LTBP1: variants seen among roughly 807,000 people sequenced by gnomAD.
LTBP1 encodes the protein latent transforming growth factor beta binding protein 1.
In LTBP1, 129 loss-of-function variants were observed where a neutral mutation model predicts 207.6. The ratio of observed to expected loss-of-function variants is 0.62; its 90% CI spans 0.54 to 0.72. The LOEUF is 0.72. Among genes scored for constraint, LTBP1 ranks in the 30% least tolerant of loss-of-function variants. The pLI is 0.00. For missense variants in LTBP1, 2,281 were observed against 2,217.2 expected (o/e 1.03, Z -0.58); for synonymous variants, 963 against 833.7 (o/e 1.16, Z -2.67).
chr2:32,948,338 G>A (rs1676588008), intron 1 of LTBP1, among the ~76,000 whole-genome samples: 2 of 152,170 alleles, frequency 1.3e-5, no homozygotes, highest in Non-Finnish European at 2.9e-5. Flanking sequence ...CTGGGGTGGG[G>A]TGTCTTGGTA....
At chr2:33,370,396 C>T (rs906104686) in intron 31 of LTBP1, among the ~76,000 whole-genome samples, 3 of 152,120 alleles carry the variant, frequency 2.0e-5, no homozygotes, top group African/African-American at 7.2e-5. Context: ...CCTGGGGGAG[C>T]TTATCAAAAA....
rs72869659 is a variant in LTBP1 at position 33,040,273 on chromosome 2, G to T, written c.863+19067G>T. On this transcript the variant is annotated intron_variant, in intron 3 of 33. Coordinates refer to ENST00000404816, the MANE Select transcript of LTBP1 (RefSeq NM_206943.4). ...CTGTGAGTGTAGACCCAGATGCTTG[G>T]AGCAGTGGGTATGAGAAACTCAAGC... Among the ~76,000 whole-genome samples, 703 of 152,230 alleles carry T rather than the reference G, an allele frequency of 4.6e-3. 6 individuals are homozygous for T. The highest frequency in any genetic ancestry group is 0.016 in the African/African-American group (667 of 41,524).
At chr2:33,304,478 T>C (rs1456996507) in intron 22 of LTBP1, among the ~76,000 whole-genome samples, 1 of 152,066 alleles carries the variant, frequency 6.6e-6, no homozygotes, top group Non-Finnish European at 1.5e-5. Flanking sequence ...CTTATTGTCC[T>C]GTCATCCTGC....
chr2:33,045,581 G>A (rs1295282466), intron 3 of LTBP1, among the ~76,000 whole-genome samples: 1 of 152,174 alleles, frequency 6.6e-6, no homozygotes, highest in Non-Finnish European at 1.5e-5. Context: ...GCTTAGGATT[G>A]TCTTGACTAT....
At chr2:33,155,787 A>G (rs755410954) in intron 5 of LTBP1, among the ~76,000 whole-genome samples, 1 of 152,168 alleles carries the variant, frequency 6.6e-6, no homozygotes, top group African/African-American at 2.4e-5. Context: ...AAAATTTTAT[A>G]TTATTTTATG....
At chr2:33,275,143 C>T in intron 17 of LTBP1, 53 bp downstream of exon 17, 1 of 1,603,168 alleles carries the variant, frequency 6.2e-7, no homozygotes, top group Non-Finnish European at 8.5e-7. Context: ...GTTTTTAGAT[C>T]CCCTAAGACT....
At chr2:33,326,246 C>T (rs926717569) in intron 24 of LTBP1, among the ~76,000 whole-genome samples, 4 of 152,168 alleles carry the variant, frequency 2.6e-5, no homozygotes, top group African/African-American at 9.7e-5. Context: ...GGCTTTCTCA[C>T]GCAGCACCTC....
intron 3 of LTBP1, among the ~76,000 whole-genome samples, chr2:33,039,360 A>AT (rs2076075886): frequency 6.6e-6 from 1 of 151,782 alleles, no homozygotes; most frequent in Non-Finnish European, 1.5e-5. Flanking sequence ...ACCTGTATAT[A>AT]TTTTTTAAGC....
Position 33,383,371 on chromosome 2 carries a change from C to G in LTBP1, c.4712-5813C>G, listed in dbSNP as rs899874840. ...CCGTCTCAGGGGAATAAAAAAGTGT[C>G]TATTACAATGCTGGCTTATCAGTCA... is the stretch of plus-strand genomic sequence containing the variant. On this transcript the variant is annotated intron_variant, in intron 31 of 33. Coordinates refer to ENST00000404816, the MANE Select transcript of LTBP1 (RefSeq NM_206943.4). Among the ~76,000 whole-genome samples, 7 of 152,188 alleles carry G rather than the reference C, an allele frequency of 4.6e-5. No individual in the cohort carries two copies. The East Asian group carries it at 1.3e-3, about 29-fold the overall frequency.
chr2:33,117,230 C>T (rs2080799957), intron 4 of LTBP1, among the ~76,000 whole-genome samples: 1 of 152,210 alleles, frequency 6.6e-6, no homozygotes, highest in African/African-American at 2.4e-5. Flanking sequence ...AGAAGTACGG[C>T]TGCTTTGGAC....
chr2:33,118,485 G>T (rs545960920), intron 4 of LTBP1, among the ~76,000 whole-genome samples: 1 of 152,226 alleles, frequency 6.6e-6, no homozygotes, highest in African/African-American at 2.4e-5. Context: ...GGAACCTTGA[G>T]CCAGTTTCCC....
chr2:33,356,577 G>A (rs1479014115), intron 26 of LTBP1, among the ~76,000 whole-genome samples: 5 of 152,158 alleles, frequency 3.3e-5, no homozygotes. Context: ...TATTCAGGAG[G>A]CTGAGGCAGG....
At chr2:33,259,555 G>A in intron 12 of LTBP1, 33 bp from the exon 13 acceptor site, 1 of 1,517,850 alleles carries the variant, frequency 6.6e-7, no homozygotes, top group Non-Finnish European at 9.0e-7. Flanking sequence ...TGTCTTAAAT[G>A]GTACTAATAC....
At chr2:33,148,350 A>G (rs796442339) in intron 5 of LTBP1, among the ~76,000 whole-genome samples, 1 of 152,188 alleles carries the variant, frequency 6.6e-6, no homozygotes, top group African/African-American at 2.4e-5. Context: ...TTCTGATAAC[A>G]TATGTTCTCT....
intron 31 of LTBP1, among the ~76,000 whole-genome samples, chr2:33,388,343 C>T (rs750096030): frequency 6.6e-6 from 1 of 152,090 alleles, no homozygotes; most frequent in Admixed American, 6.5e-5. Context: ...ACAGGAATTC[C>T]AAAGGAGCTG....
chr2:33,315,209 T>A lies in LTBP1; in HGVS notation c.3670T>A (p.Ser1224Thr), dbSNP rs919784895. 1.5e-5 allele frequency: 24 copies of A among 1,613,632 alleles called. No homozygotes were observed. In the Middle Eastern group the frequency reaches 6.6e-4, roughly 44 times the overall value. ...AGGGGAGTGCCTAAACACAGAGGGT[T>A]CTTTCCATTGTGTCTGCCAGCAGGG... ...PQGECLNTEG[S>T]FHCVCQQGFS... The change falls in exon 24 of 34, where the codon TCT (serine) becomes ACT (threonine). Residue 1224 changes from serine to threonine, a missense_variant. Ser to Thr is a moderately conservative substitution (Grantham distance 58, BLOSUM62 1). Around this residue, in one of 3 missense-constraint regions of LTBP1, gnomAD observed 1,671 missense variants for 1,634.8 expected, o/e 1.02. Coordinates refer to ENST00000404816, the MANE Select transcript of LTBP1 (RefSeq NM_206943.4).
At chr2:32,968,996 C>A (rs1680422551) in intron 2 of LTBP1, among the ~76,000 whole-genome samples, 2 of 149,728 alleles carry the variant, frequency 1.3e-5, no homozygotes, top group Admixed American at 1.3e-4. Context: ...CTCACTGCAA[C>A]CTCTGCCTCC....
At chr2:33,003,572 A>G (rs544042467) in intron 2 of LTBP1, among the ~76,000 whole-genome samples, 2 of 152,334 alleles carry the variant, frequency 1.3e-5, no homozygotes, top group African/African-American at 2.4e-5. Context: ...CGCTGTCCAC[A>G]TGAGGAGTAA....
At chr2:33,278,317 T>A (rs1044278985) in intron 18 of LTBP1, among the ~76,000 whole-genome samples, 4 of 152,188 alleles carry the variant, frequency 2.6e-5, no homozygotes, top group Non-Finnish European at 5.9e-5. Flanking sequence ...TAGCGTTCCC[T>A]CAGTAAATAA....
Sources: gnomAD v4.1 joint callset for allele counts (sites outside exome capture counted in the v4.1 genomes callset) on GRCh38, gnomAD v4.1.1 for gene constraint, gnomAD v4.1.1 regional missense constraint, MANE v1.5 for transcripts, NCBI Gene and HGNC (gene_info 2026-07-23, HGNC 2026-07-21) for gene names.